AMOTL1: variants seen among roughly 807,000 people sequenced by gnomAD.
AMOTL1 encodes the protein angiomotin like 1.
AMOTL1 carries 45 observed loss-of-function variants against 102.9 expected under a neutral mutation model. The ratio of observed to expected loss-of-function variants is 0.44; its 90% CI spans 0.34 to 0.56. The LOEUF (loss-of-function observed/expected upper bound fraction) is 0.56, where lower values mean the gene tolerates loss of function less well. Ranked by LOEUF, AMOTL1 falls within the 20% of genes least tolerant of loss-of-function variation. The pLI, the probability that AMOTL1 is intolerant of heterozygous loss-of-function variation, is 0.01. For synonymous variants in AMOTL1, 481 were observed against 484.7 expected (o/e 0.99, Z 0.10); for missense variants, 1,114 against 1,225.6 (o/e 0.91, Z 1.36).
intron 2 of AMOTL1, among the ~76,000 whole-genome samples, chr11:94,738,668 A>G (rs987542413): frequency 6.6e-6 from 1 of 152,228 alleles, no homozygotes; most frequent in Non-Finnish European, 1.5e-5. Context: ...GAAAGAGAGC[A>G]GAACATGGAT....
intron 6 of AMOTL1, among the ~76,000 whole-genome samples, chr11:94,837,402 A>G (rs569941245): frequency 2.6e-5 from 4 of 152,338 alleles, no homozygotes; most frequent in South Asian, 4.1e-4. Flanking sequence ...TCTTGCATCT[A>G]TTTTGGCATG....
chr11:94,777,804 T>C (rs1327115741), intron 1 of AMOTL1, among the ~76,000 whole-genome samples: 2 of 152,228 alleles, frequency 1.3e-5, no homozygotes, highest in East Asian at 3.8e-4. Context: ...GAAATTTGGA[T>C]ACAGAATCAC....
intron 1 of AMOTL1, among the ~76,000 whole-genome samples, chr11:94,781,550 A>G (rs557514539): frequency 3.2e-4 from 48 of 152,332 alleles, no homozygotes; most frequent in Non-Finnish European, 2.8e-4. Flanking sequence ...AACTCTCTTC[A>G]TAATAAGCCG....
intron 1 of AMOTL1, among the ~76,000 whole-genome samples, chr11:94,769,112 A>T (rs1460400533): frequency 4.6e-5 from 7 of 152,176 alleles, no homozygotes; most frequent in Non-Finnish European, 1.0e-4. Flanking sequence ...GGATCGCGTT[A>T]GCTGCTGCTC....
intron 6 of AMOTL1, among the ~76,000 whole-genome samples, chr11:94,839,455 CTGA>C (rs1402116225): frequency 6.6e-6 from 1 of 152,160 alleles, no homozygotes; most frequent in Non-Finnish European, 1.5e-5. Flanking sequence ...GTCATACAGG[CTGA>C]TAACTGAAGC....
intron 1 of AMOTL1, among the ~76,000 whole-genome samples, chr11:94,709,532 T>C (rs762605876): frequency 1.5e-4 from 23 of 152,154 alleles, no homozygotes; most frequent in Non-Finnish European, 2.9e-4. Flanking sequence ...CCAATTACTC[T>C]GAGACCAGCA....
intron 1 of AMOTL1, among the ~76,000 whole-genome samples, chr11:94,790,226 C>CT (rs1951260298): frequency 6.6e-6 from 1 of 152,216 alleles, no homozygotes; most frequent in African/African-American, 2.4e-5. Context: ...AAGCATATGT[C>CT]TTACATGCTA....
chr11:94,720,695 T>C (rs1950162347), intron 1 of AMOTL1, among the ~76,000 whole-genome samples: 2 of 152,106 alleles, frequency 1.3e-5, no homozygotes, highest in Non-Finnish European at 2.9e-5. Flanking sequence ...TCTATATTCC[T>C]GACAGGGCAT....
chr11:94,741,201 CGTGCGTGTGTGTGTGTGTGCGTGCGT>C (rs1165196548), intron 3 of AMOTL1, among the ~76,000 whole-genome samples: 15 of 151,310 alleles, frequency 9.9e-5, no homozygotes, highest in Non-Finnish European at 1.8e-4. Context: ...TCCAATGAGC[CGTGCGTGTGTGTGTGTGTGCGTGCGT>C]GTGCGTGTGT....
intron 1 of AMOTL1, among the ~76,000 whole-genome samples, chr11:94,787,687 C>CAAAAAAAAAAAAAAAAA (rs59563004): frequency 7.0e-5 from 4 of 57,528 alleles, no homozygotes; most frequent in African/African-American, 3.3e-4. Context: ...AACTCCGTCT[C>CAAAAAAAAAAAAAAAAA]AAAAAAAAAA....
At chr11:94,715,158 T>C (rs1167755932) in intron 1 of AMOTL1, among the ~76,000 whole-genome samples, 5 of 152,276 alleles carry the variant, frequency 3.3e-5, no homozygotes, top group Non-Finnish European at 5.9e-5. Flanking sequence ...TTAACTTCCA[T>C]GTGCCTAAAG....
chr11:94,806,602 G>A (rs538352642), intron 3 of AMOTL1, among the ~76,000 whole-genome samples: 8 of 152,278 alleles, frequency 5.3e-5, no homozygotes, highest in South Asian at 2.1e-4. Flanking sequence ...GAGTTTCTCC[G>A]GTATTTAGGC....
intron 3 of AMOTL1, among the ~76,000 whole-genome samples, chr11:94,818,994 TTTTG>T (rs113890860): frequency 6.6e-6 from 1 of 151,736 alleles, no homozygotes; most frequent in African/African-American, 2.4e-5. Flanking sequence ...TCTTCATCTT[TTTTG>T]TTTGTTTTTT....
intron 9 of AMOTL1, among the ~76,000 whole-genome samples, chr11:94,860,581 G>T (rs554769558): frequency 1.3e-4 from 20 of 152,288 alleles, no homozygotes; most frequent in Non-Finnish European, 2.6e-4. Context: ...GCACACACGT[G>T]GGGTGGCTGT....
intron 1 of AMOTL1, among the ~76,000 whole-genome samples, chr11:94,786,022 G>T (rs1013918554): frequency 3.3e-5 from 5 of 152,082 alleles, no homozygotes; most frequent in African/African-American, 1.2e-4. Flanking sequence ...TTCTATATAG[G>T]TATAAACAAA....
rs1361762000 is a variant in AMOTL1, at chr11:94,707,242, C to CTGTGTG, written c.-51+646_-51+647insGTGTGT. Among the ~76,000 whole-genome samples the CTGTGTG allele has an allele frequency of 2.4e-4, 12 of 50,670 alleles. No individual in the cohort carries two copies. In the South Asian group the frequency reaches 2.6e-3, roughly 11 times the overall value. The allele number at this position is 50,670 out of a possible 152,430, so 33.2% of individuals were successfully genotyped here. On this transcript the variant is annotated intron_variant, in intron 1 of 4. Transcript: ENST00000299004. ...TCTCTCTCTCTCTCTCTCTCTCTCT[C>CTGTGTG]TCTCTCTCTGTGTGTGTGTGTGTGT...
At chr11:94,783,088 A>C (rs1018070647) in intron 1 of AMOTL1, among the ~76,000 whole-genome samples, 1 of 152,136 alleles carries the variant, frequency 6.6e-6, no homozygotes, top group Non-Finnish European at 1.5e-5. Flanking sequence ...TAAAACCAAA[A>C]AGTTTGGGCA....
intron 1 of AMOTL1, among the ~76,000 whole-genome samples, chr11:94,791,308 C>A (rs1951281631): frequency 2.6e-5 from 4 of 152,144 alleles, no homozygotes; most frequent in African/African-American, 9.7e-5. Flanking sequence ...AAAAACAGAT[C>A]TTTAGGTTTT....
At chr11:94,759,458 G>T (rs1950765345) in intron 3 of AMOTL1, among the ~76,000 whole-genome samples, 1 of 151,008 alleles carries the variant, frequency 6.6e-6, no homozygotes, top group African/African-American at 2.4e-5. Context: ...TAATTCTATA[G>T]TTGAGTTTTC....
Sources: allele counts gnomAD v4.1 joint callset (sites outside exome capture counted in the v4.1 genomes callset), GRCh38; gene constraint gnomAD v4.1.1; transcripts MANE v1.5; gene names NCBI Gene and HGNC (gene_info 2026-07-23, HGNC 2026-07-21).